STAG1: variants seen among roughly 807,000 people sequenced by gnomAD.
STAG1 encodes STAG1 cohesin complex component.
A neutral mutation model predicts 170.9 loss-of-function variants in STAG1; 26 were observed. The observed-to-expected ratio is 0.15, with a 90% confidence interval of 0.11 to 0.21. The LOEUF (loss-of-function observed/expected upper bound fraction) is 0.21. Among genes scored for constraint, STAG1 ranks in the 10% least tolerant of loss-of-function variants. The pLI, the probability that STAG1 is intolerant of heterozygous loss-of-function variation, is 1.00. For synonymous variants in STAG1, 514 were observed against 497.7 expected (o/e 1.03, Z -0.44); for missense variants, 964 against 1,509.5 (o/e 0.64, Z 5.99).
chr3:136,747,093 T>TTAAAAAAAAA (rs1246647616), intron 1 of STAG1, among the ~76,000 whole-genome samples: 1 of 59,340 alleles, frequency 1.7e-5, no homozygotes, highest in African/African-American at 8.3e-5. Flanking sequence ...TGAAACTGTC[T>TTAAAAAAAAA]AAAAAAAAAA....
chr3:136,751,159 T>A (rs573096106), intron 1 of STAG1, among the ~76,000 whole-genome samples: 14 of 151,290 alleles, frequency 9.3e-5, no homozygotes, highest in African/African-American at 1.2e-4. Context: ...AATTTTTTTT[T>A]ATGACAAATT....
At chr3:136,472,094 T>G (rs2089642075) in intron 12 of STAG1, among the ~76,000 whole-genome samples, 1 of 152,126 alleles carries the variant, frequency 6.6e-6, no homozygotes, top group South Asian at 2.1e-4. Context: ...GCCTTGGCCT[T>G]CCAAAATGCT....
At chr3:136,540,837 A>C (rs1029190408) in intron 6 of STAG1, among the ~76,000 whole-genome samples, 3 of 148,396 alleles carry the variant, frequency 2.0e-5, no homozygotes, top group African/African-American at 5.0e-5. Flanking sequence ...AAAAAAAAAA[A>C]AAAAAAAAAA....
chr3:136,583,625 C>T (rs1937656111), intron 4 of STAG1, among the ~76,000 whole-genome samples: 1 of 152,000 alleles, frequency 6.6e-6, no homozygotes, highest in South Asian at 2.1e-4. Flanking sequence ...CCTGTCTCTA[C>T]TAAAAATACA....
At chr3:136,723,230 C>G (rs1933412238) in intron 1 of STAG1, among the ~76,000 whole-genome samples, 1 of 151,484 alleles carries the variant, frequency 6.6e-6, no homozygotes, top group Non-Finnish European at 1.5e-5. Context: ...CGGCTGCCAT[C>G]CCATCTAGGA....
At chr3:136,492,257 A>G (rs111554751) in intron 9 of STAG1, among the ~76,000 whole-genome samples, 7 of 152,370 alleles carry the variant, frequency 4.6e-5, no homozygotes, top group African/African-American at 1.4e-4. Context: ...TGAATAGTTC[A>G]GTCAGGCTAT....
intron 6 of STAG1, among the ~76,000 whole-genome samples, chr3:136,535,901 C>A (rs1201556524): frequency 6.6e-6 from 1 of 152,200 alleles, no homozygotes; most frequent in Non-Finnish European, 1.5e-5. Flanking sequence ...TTCCTACTAT[C>A]TGGCTTTAGC....
chr3:136,616,987 AAT>A (rs2107823830), intron 3 of STAG1, among the ~76,000 whole-genome samples: 1 of 152,352 alleles, frequency 6.6e-6, no homozygotes, highest in Admixed American at 6.5e-5. Flanking sequence ...GAAAGGCAAT[AAT>A]ATATGTCAAA....
In STAG1 at chr3:136,704,139, C is replaced by T. The variant is rs560946256; in HGVS notation, c.-84+48056G>A. Among the ~76,000 whole-genome samples the T allele has an allele frequency of 3.2e-3, 484 of 150,928 alleles. 3 individuals are homozygous for T. The highest frequency in any genetic ancestry group is 4.5e-3 in the Non-Finnish European group (303 of 67,756). On this transcript the variant is annotated intron_variant, in intron 1 of 33. Transcript: ENST00000383202. ...GATCTCGGCTCACTTCAACCTCTGC[C>T]TCCCAGGTTCAAGTGATTCTCCTGC... is the stretch of plus-strand genomic sequence containing the variant.
chr3:136,740,586 TCCTCTGCCTCAGC>T (rs1180070579), intron 1 of STAG1, among the ~76,000 whole-genome samples: 4 of 152,130 alleles, frequency 2.6e-5, no homozygotes, highest in Admixed American at 1.3e-4. Context: ...GCTCAAACTA[TCCTCTGCCTCAGC>T]CCCCCAAGTA....
chr3:136,339,246 A>G (rs1935839518), intron 32 of STAG1, among the ~76,000 whole-genome samples: 1 of 152,208 alleles, frequency 6.6e-6, no homozygotes, highest in African/African-American at 2.4e-5. Flanking sequence ...TGTGATAAAA[A>G]AAATAAATTT....
In STAG1 at chr3:136,553,689, G is replaced by A. The variant is rs879476138; in HGVS notation, c.395-11494C>T. 3.1e-4 allele frequency among the ~76,000 whole-genome samples: 47 copies of A among 152,328 alleles called. 1 individual carries two copies. The highest frequency in any genetic ancestry group is 1.0e-3 in the African/African-American group (43 of 41,574). On this transcript the variant is annotated intron_variant, in intron 5 of 33. Transcript: ENST00000383202. ...CTCAGGAGGCTGAGGCAGGGGAATC[G>A]CTTGAACCCAGGAGGCAGAGATTGC...
chr3:136,620,778 T>C (rs1416000267), intron 3 of STAG1, among the ~76,000 whole-genome samples: 1 of 152,230 alleles, frequency 6.6e-6, no homozygotes, highest in African/African-American at 2.4e-5. Flanking sequence ...TACTACTTTC[T>C]TATACTGGTT....
intron 4 of STAG1, among the ~76,000 whole-genome samples, chr3:136,600,332 C>T (rs1938608622): frequency 1.3e-5 from 2 of 152,194 alleles, no homozygotes. Context: ...TAGGCCTTGG[C>T]TTCATGTAAT....
At chr3:136,399,557 A>G (rs2087258965) in intron 21 of STAG1, among the ~76,000 whole-genome samples, 1 of 152,146 alleles carries the variant, frequency 6.6e-6, no homozygotes, top group African/African-American at 2.4e-5. Context: ...ATGTACCTAG[A>G]GTTCATTAGT....
Position 136,417,826 on chromosome 3 carries a change from A to G in STAG1, c.2196+59T>C, listed in dbSNP as rs776116201. ...TCTATAAAAGGCTTCTGATAATCATATGACTTCAGAAAAACAACTTTCTAG... is the reference window on the plus strand; with the variant it reads ...TCTATAAAAGGCTTCTGATAATCATGTGACTTCAGAAAAACAACTTTCTAG... On this transcript the variant is annotated intron_variant, in intron 21 of 33. Coordinates refer to ENST00000383202, the MANE Select transcript of STAG1 (RefSeq NM_005862.3). The G allele has an allele frequency of 9.4e-6, 12 of 1,277,384 alleles. No homozygotes were observed. The South Asian group carries it at 1.4e-4, about 15-fold the overall frequency. 79.1% of individuals were successfully genotyped at this position (1,277,384 alleles called of 1,614,324 possible).
intron 14 of STAG1, among the ~76,000 whole-genome samples, chr3:136,444,884 A>G (rs2088733210): frequency 6.6e-6 from 1 of 152,044 alleles, no homozygotes; most frequent in Non-Finnish European, 1.5e-5. Context: ...CTTTGGAGAC[A>G]GGGTCTCACA....
intron 3 of STAG1, among the ~76,000 whole-genome samples, chr3:136,620,115 G>T (rs570430004): frequency 1.3e-5 from 2 of 151,720 alleles, no homozygotes; most frequent in African/African-American, 2.4e-5. Flanking sequence ...AGAAGTAAAG[G>T]AAACAATACT....
At chr3:136,544,133 C>T (rs1198299144) in intron 5 of STAG1, among the ~76,000 whole-genome samples, 1 of 152,194 alleles carries the variant, frequency 6.6e-6, no homozygotes, top group Non-Finnish European at 1.5e-5. Context: ...CAGCACTAAA[C>T]ACCCTGTTCA....
Sources: allele counts gnomAD v4.1 joint callset (sites outside exome capture counted in the v4.1 genomes callset), GRCh38; gene constraint gnomAD v4.1.1; transcripts MANE v1.5; gene names NCBI Gene and HGNC (gene_info 2026-07-23, HGNC 2026-07-21).